ACTN2: variants seen among roughly 807,000 people sequenced by gnomAD.
The protein encoded by ACTN2 is actinin alpha 2.
A neutral mutation model predicts 113.8 loss-of-function variants in ACTN2; 39 were observed. The observed-to-expected ratio is 0.34, with a 90% CI of 0.27 to 0.45. The LOEUF (loss-of-function observed/expected upper bound fraction) is 0.45. ACTN2 is among the 20% of genes least tolerant of loss of function. The pLI is 1.00. For synonymous variants in ACTN2, 429 were observed against 444.1 expected (o/e 0.97, Z 0.43); for missense variants, 992 against 1,177.9 (o/e 0.84, Z 2.31).
At chr1:236,701,534 C>T (rs1356831848) in intron 1 of ACTN2, among the ~76,000 whole-genome samples, 1 of 152,150 alleles carries the variant, frequency 6.6e-6, no homozygotes, top group Non-Finnish European at 1.5e-5. Flanking sequence ...CCAGGTTGCC[C>T]TCTGAAACGG....
chr1:236,712,689 G>T (rs957830799), intron 1 of ACTN2, among the ~76,000 whole-genome samples: 1 of 152,012 alleles, frequency 6.6e-6, no homozygotes, highest in Non-Finnish European at 1.5e-5. Context: ...ACAAAAAACA[G>T]GTACTTTCAA....
chr1:236,733,453 A>G (rs891847291), intron 7 of ACTN2, among the ~76,000 whole-genome samples: 2 of 152,154 alleles, frequency 1.3e-5, no homozygotes, highest in Non-Finnish European at 2.9e-5. Context: ...TTCCAGGCAG[A>G]TGGGGTGTGT....
chr1:236,704,422 C>T (rs190830220), intron 1 of ACTN2, among the ~76,000 whole-genome samples: 5 of 152,162 alleles, frequency 3.3e-5, no homozygotes, highest in Non-Finnish European at 7.3e-5. Flanking sequence ...TGACACTGTC[C>T]GTTTGGTGAT....
chr1:236,729,276 A>T (rs544148010), intron 6 of ACTN2, among the ~76,000 whole-genome samples: 3 of 152,224 alleles, frequency 2.0e-5, no homozygotes, highest in Admixed American at 6.5e-5. Context: ...GTGAACCGAG[A>T]TGGCACCACT....
intron 15 of ACTN2, among the ~76,000 whole-genome samples, chr1:236,752,253 G>T (rs562353552): frequency 7.9e-5 from 12 of 152,270 alleles, no homozygotes; most frequent in African/African-American, 2.4e-4. Flanking sequence ...AGTCATCTCA[G>T]TATGCCAATC....
At chr1:236,745,020 C>G (rs906639001) in intron 12 of ACTN2, among the ~76,000 whole-genome samples, 1 of 152,156 alleles carries the variant, frequency 6.6e-6, no homozygotes, top group African/African-American at 2.4e-5. Context: ...CCGCTTCCAG[C>G]AAGATGAGAA....
intron 1 of ACTN2, among the ~76,000 whole-genome samples, chr1:236,689,620 T>G (rs182827170): frequency 5.9e-5 from 9 of 152,290 alleles, no homozygotes; most frequent in Non-Finnish European, 1.3e-4. Flanking sequence ...CTTAAAGTGC[T>G]GATACTAAGG....
intron 1 of ACTN2, among the ~76,000 whole-genome samples, chr1:236,689,443 T>C (rs1666000736): frequency 6.6e-6 from 1 of 151,158 alleles, no homozygotes; most frequent in Non-Finnish European, 1.5e-5. Flanking sequence ...TGATAATAGC[T>C]CACTGTAGCC....
chr1:236,712,707 T>C (rs1658065305), intron 1 of ACTN2, among the ~76,000 whole-genome samples: 1 of 152,058 alleles, frequency 6.6e-6, no homozygotes, highest in Non-Finnish European at 1.5e-5. Flanking sequence ...CAAACAGACT[T>C]TCTGTGGTTT....
intron 1 of ACTN2, among the ~76,000 whole-genome samples, chr1:236,705,658 G>A (rs78872818): frequency 0.024 from 3,626 of 152,310 alleles, 37 homozygotes; most frequent in Middle Eastern, 0.058. Context: ...GAAGTTTCCC[G>A]TTGGAGCATA....
intron 1 of ACTN2, among the ~76,000 whole-genome samples, chr1:236,715,283 C>G: frequency 6.8e-6 from 1 of 147,792 alleles, no homozygotes; most frequent in Non-Finnish European, 1.5e-5. Context: ...CATTAGGTAT[C>G]TCTCCTAATC....
chr1:236,739,405 G>A lies in ACTN2; in HGVS notation c.980G>A (p.Arg327His), dbSNP rs554811924. Residue 327 changes from arginine (R) to histidine (H), a missense_variant, in exon 10 of 21, where the codon CGC (arginine) becomes CAC (histidine). Arg to His is a conservative substitution (Grantham distance 29). Transcript: ENST00000366578. Reference protein sequence around the residue: ...QKKLEDFRDYRRKHKPPKVQE... With the variant: ...QKKLEDFRDYHRKHKPPKVQE... ...AAGCTGGAGGACTTCCGGGATTACCGCCGGAAGCACAAGCCACCCAAGGTG... is the reference window on the plus strand; with the variant it reads ...AAGCTGGAGGACTTCCGGGATTACCACCGGAAGCACAAGCCACCCAAGGTG... The A allele has an allele frequency of 8.1e-6, 13 of 1,614,008 alleles. No homozygotes were observed. The highest frequency in any genetic ancestry group is 5.3e-5 in the African/African-American group (4 of 74,978).
chr1:236,744,876 AC>A, intron 12 of ACTN2, 100 bp downstream of exon 12: 1 of 1,501,346 alleles, frequency 6.7e-7, no homozygotes, highest in Non-Finnish European at 9.2e-7. Context: ...CGCAGAGGGA[AC>A]CACGCTGGAG....
At chr1:236,719,583 G>A (rs1404560409) in intron 3 of ACTN2, among the ~76,000 whole-genome samples, 1 of 152,206 alleles carries the variant, frequency 6.6e-6, no homozygotes, top group Non-Finnish European at 1.5e-5. Flanking sequence ...GAGGTGAGGA[G>A]TTCAAGACCA....
chr1:236,712,550 C>T (rs1658058804), intron 1 of ACTN2, among the ~76,000 whole-genome samples: 1 of 152,160 alleles, frequency 6.6e-6, no homozygotes, highest in African/African-American at 2.4e-5. Context: ...GTAATATCAA[C>T]TCAGGAGGCT....
chr1:236,715,940 A>T lies in ACTN2; in HGVS notation c.127-1918A>T, dbSNP rs80183050. ...CACTGCACTCCAGCCTGGAAGCAAG[A>T]CTCCGTCTCAAAAAATAAAAATAAA... On this transcript the variant is annotated intron_variant, in intron 1 of 20. Transcript: ENST00000366578. 1.4e-4 allele frequency among the ~76,000 whole-genome samples: 22 copies of T among 152,208 alleles called. 1 individual carries two copies. In the East Asian group the frequency reaches 3.5e-3, roughly 24 times the overall value.
intron 1 of ACTN2, among the ~76,000 whole-genome samples, chr1:236,693,661 C>T (rs1657370059): frequency 6.6e-6 from 1 of 152,170 alleles, no homozygotes; most frequent in Admixed American, 6.5e-5. Context: ...CTCTTCCCCT[C>T]CCTGTGTGCT....
At chr1:236,706,086 G>A (rs1657815861) in intron 1 of ACTN2, among the ~76,000 whole-genome samples, 1 of 150,586 alleles carries the variant, frequency 6.6e-6, no homozygotes, top group Non-Finnish European at 1.5e-5. Flanking sequence ...CTGTGAGGTT[G>A]CCTGTTATTT....
Position 236,755,214 on chromosome 1 carries a change from A to G in ACTN2, c.2154+16A>G. 1 of 1,614,020 alleles carries G rather than the reference A, an allele frequency of 6.2e-7. No homozygotes were observed. The highest frequency in any genetic ancestry group is 8.5e-7 in the Non-Finnish European group (1 of 1,180,030). Reference sequence around the variant, plus strand: ...CACGATGGAGGTACGGCAGCCAGACAGGCGTGTGCCGCTCACTTCTCACGG... The same window carrying G: ...CACGATGGAGGTACGGCAGCCAGACGGGCGTGTGCCGCTCACTTCTCACGG... On this transcript the variant is annotated intron_variant, in intron 17 of 20. Transcript: ENST00000366578.
Sources: allele counts gnomAD v4.1 joint callset (sites outside exome capture counted in the v4.1 genomes callset), GRCh38; gene constraint gnomAD v4.1.1; transcripts MANE v1.5; gene names NCBI Gene and HGNC (gene_info 2026-07-23, HGNC 2026-07-21).